UGGT2: variants seen among roughly 807,000 people sequenced by gnomAD.
UGGT2 encodes the protein UDP-glucose glycoprotein glucosyltransferase 2.
Under a neutral mutation model 192.1 loss-of-function variants are expected in UGGT2, and 180 were observed. The observed-to-expected ratio is 0.94, with a 90% CI of 0.83 to 1.06. UGGT2 has a LOEUF of 1.06. Among genes scored for constraint, UGGT2 ranks in the 50% least tolerant of loss-of-function variants. UGGT2 has a pLI of 0.00. For synonymous variants in UGGT2, 580 were observed against 591.0 expected (o/e 0.98, Z 0.27); for missense variants, 1,849 against 1,795.7 (o/e 1.03, Z -0.54).
chr13:95,856,659 T>G lies in UGGT2; in HGVS notation c.3826-319A>C, dbSNP rs1274475247. On this transcript the variant is annotated intron_variant, in intron 33 of 38. Coordinates refer to ENST00000376747, the MANE Select transcript of UGGT2 (RefSeq NM_020121.4). ...TAACATCTGACTTGAGAAAACTGAC[T>G]TAAAAAAAAGCCTCTGGATCTTGGA... 5 of 425,374 alleles carry G rather than the reference T, an allele frequency of 1.2e-5. No individual in the cohort carries two copies. The East Asian group carries it at 3.6e-4, about 30-fold the overall frequency. 26.3% of individuals were successfully genotyped at this position (425,374 alleles called of 1,614,324 possible).
chr13:95,931,042 T>C (rs2049243785), intron 17 of UGGT2, among the ~76,000 whole-genome samples: 1 of 152,200 alleles, frequency 6.6e-6, no homozygotes, highest in African/African-American at 2.4e-5. Context: ...TATTCCCTTA[T>C]CTGGCCCCAC....
chr13:95,861,179 C>T (rs1021261036), intron 31 of UGGT2, among the ~76,000 whole-genome samples: 1 of 151,900 alleles, frequency 6.6e-6, no homozygotes. Flanking sequence ...GAATGAATTA[C>T]AGCTTGACAT....
Position 95,949,465 on chromosome 13 carries a change from A to G in UGGT2, c.1336-11T>C. The G allele has an allele frequency of 6.9e-7, 1 of 1,452,464 alleles. No homozygotes were observed. The highest frequency in any genetic ancestry group is 2.5e-5 in the East Asian group (1 of 40,500). The allele number at this position is 1,452,464 out of a possible 1,614,324, so 90.0% of individuals were successfully genotyped here. ...TAAGTCATTAATCCACTAGAAAAGA[A>G]CGCAGACACTTGTGAAAGCTATATT... On this transcript the variant is annotated splice_polypyrimidine_tract_variant and intron_variant, in intron 12 of 38. Transcript: ENST00000376747.
At chr13:95,859,479 C>G in intron 33 of UGGT2, 112 bp downstream of exon 33, 1 of 861,690 alleles carries the variant, frequency 1.2e-6, no homozygotes, top group South Asian at 1.8e-5. Context: ...TACTAAATAC[C>G]ATTTTTTCAA....
chr13:95,928,313 C>T (rs1015943210), intron 17 of UGGT2, among the ~76,000 whole-genome samples: 2 of 150,498 alleles, frequency 1.3e-5, no homozygotes, highest in African/African-American at 2.4e-5. Context: ...CCCACCTCCC[C>T]GACGGGACGG....
At chr13:95,903,403 C>A (rs1470475125) in intron 20 of UGGT2, among the ~76,000 whole-genome samples, 2 of 152,140 alleles carry the variant, frequency 1.3e-5, no homozygotes, top group East Asian at 3.8e-4. Context: ...ACTGGCACTG[C>A]CAGCAACTCC....
intron 32 of UGGT2, 43 bp downstream of exon 32, chr13:95,860,745 A>T (rs1435921896): frequency 3.8e-5 from 49 of 1,276,948 alleles, no homozygotes; most frequent in Non-Finnish European, 5.2e-5. Flanking sequence ...TGAACCATGT[A>T]AATATTTCTT....
intron 36 of UGGT2, among the ~76,000 whole-genome samples, chr13:95,842,912 A>G (rs1213036154): frequency 3.3e-5 from 5 of 152,228 alleles, no homozygotes; most frequent in African/African-American, 1.2e-4. Context: ...TGAGAGATAC[A>G]ATGAAGCAGA....
chr13:95,859,465 A>G, intron 33 of UGGT2, 126 bp downstream of exon 33: 1 of 775,758 alleles, frequency 1.3e-6, no homozygotes, highest in Non-Finnish European at 2.0e-6. Context: ...AAGCTACATA[A>G]AAATACTAAA....
intron 29 of UGGT2, among the ~76,000 whole-genome samples, chr13:95,868,787 G>C (rs1231712860): frequency 6.6e-6 from 1 of 152,068 alleles, no homozygotes; most frequent in Non-Finnish European, 1.5e-5. Context: ...GAGCACTACA[G>C]CTAGACCTAG....
intron 2 of UGGT2, among the ~76,000 whole-genome samples, chr13:96,029,429 G>A (rs918447954): frequency 6.6e-6 from 1 of 151,812 alleles, no homozygotes; most frequent in Non-Finnish European, 1.5e-5. Flanking sequence ...TGGATTACAG[G>A]CCCGCACCAC....
At chr13:95,908,566 G>T (rs1013246375) in intron 20 of UGGT2, among the ~76,000 whole-genome samples, 28 of 152,010 alleles carry the variant, frequency 1.8e-4, no homozygotes, top group Non-Finnish European at 3.7e-4. Flanking sequence ...CCCACCAACA[G>T]TGTAAAAGTG....
intron 36 of UGGT2, 129 bp from the exon 37 acceptor site, chr13:95,837,331 A>T: frequency 1.5e-6 from 1 of 683,034 alleles, no homozygotes; most frequent in African/African-American, 1.8e-5. Context: ...AGATTTCTCT[A>T]CACTTTAAAG....
At chr13:95,851,465 A>C (rs1477680277) in intron 36 of UGGT2, among the ~76,000 whole-genome samples, 1 of 152,198 alleles carries the variant, frequency 6.6e-6, no homozygotes, top group Admixed American at 6.5e-5. Context: ...GAATAGCAAC[A>C]TTTAAAGGAA....
In UGGT2 at chr13:95,884,636, T is replaced by C. The variant is rs372810297; in HGVS notation, c.3083A>G (p.Asn1028Ser). ...CACTGGTCCAAGAGAAGAAACGTCA[T>C]TAGCCCCTGACATCAGTTCTGGTTC... ...VLEPELMSGA[N>S]DVSSLGPVAK... Residue 1028 changes from asparagine to serine, a missense_variant, in exon 27 of 39, where the codon AAT (asparagine) becomes AGT (serine). Asn to Ser is a conservative substitution (Grantham distance 46, BLOSUM62 1). Transcript: ENST00000376747. 6.2e-7 allele frequency: 1 copy of C among 1,613,748 alleles called. No individual in the cohort carries two copies. Among genetic ancestry groups the C allele is most frequent in the African/African-American group, 1.3e-5 (1 of 74,920 alleles).
intron 1 of UGGT2, among the ~76,000 whole-genome samples, chr13:96,032,361 G>A (rs1313269540): frequency 6.6e-6 from 1 of 151,748 alleles, no homozygotes; most frequent in Non-Finnish European, 1.5e-5. Flanking sequence ...AAGACCACCT[G>A]TTTCATAAAC....
chr13:95,811,710 TAACAATAGCATAAGAGA>T lies in UGGT2; in HGVS notation c.4529-9915_4529-9899del, dbSNP rs565229405. Among the ~76,000 whole-genome samples, 175 of 152,220 alleles carry T rather than the reference TAACAATAGCATAAGAGA, an allele frequency of 1.1e-3. 1 individual carries two copies. In the South Asian group the frequency reaches 0.013, roughly 11 times the overall value. On this transcript the variant is annotated intron_variant, in intron 38 of 38. Coordinates refer to ENST00000376747, the MANE Select transcript of UGGT2 (RefSeq NM_020121.4). Reference sequence around the variant, plus strand: ...TAATATATAATAGTAAAATGCATTATAACAATAGCATAAGAGAAAAGAGGAAAAAACAGAAGTATAAG... The same window carrying T: ...TAATATATAATAGTAAAATGCATTATAAAGAGGAAAAAACAGAAGTATAAG...
chr13:95,952,020 T>C (rs1042886694), intron 12 of UGGT2, among the ~76,000 whole-genome samples: 3 of 150,238 alleles, frequency 2.0e-5, no homozygotes, highest in Non-Finnish European at 4.4e-5. Flanking sequence ...ATTGCACCAC[T>C]GCACTCCAGC....
At position 96,048,365 on chromosome 13, in the gene UGGT2, G is replaced by A. The variant is rs549838011; in HGVS notation, c.158+4790C>T. On this transcript the variant is annotated intron_variant, in intron 1 of 38. Coordinates refer to ENST00000376747, the MANE Select transcript of UGGT2 (RefSeq NM_020121.4). Reference sequence around the variant, plus strand: ...TAGAGGGAAATTTATAGCACTAAATGTCCACAAGAGAAAGCAGGAAAGATC... The same window carrying A: ...TAGAGGGAAATTTATAGCACTAAATATCCACAAGAGAAAGCAGGAAAGATC... Among the ~76,000 whole-genome samples, 43 of 152,236 alleles carry A rather than the reference G, an allele frequency of 2.8e-4. No individual in the cohort carries two copies. The South Asian group carries it at 7.5e-3, about 26-fold the overall frequency.
Sources: allele counts gnomAD v4.1 joint callset (sites outside exome capture counted in the v4.1 genomes callset), GRCh38; gene constraint gnomAD v4.1.1; transcripts MANE v1.5; gene names NCBI Gene and HGNC (gene_info 2026-07-23, HGNC 2026-07-21).